Variants in SLC9A6 observed in about 807,000 individuals in gnomAD.
SLC9A6 encodes solute carrier family 9 member A6, also known as sodium/hydrogen exchanger 6.
Under a neutral mutation model 45.3 loss-of-function variants are expected in SLC9A6, and 6 were observed. The observed-to-expected ratio is 0.13, with a 90% CI of 0.07 to 0.26. SLC9A6 has a LOEUF of 0.26. Among genes scored for constraint, SLC9A6 ranks in the 10% least tolerant of loss-of-function variants. The probability of loss-of-function intolerance (pLI) is 1.00; values close to 1 mark genes in which losing one functional copy is unlikely to be tolerated. For missense variants in SLC9A6, 278 were observed against 503.7 expected (o/e 0.55, Z 4.29); for synonymous variants, 191 against 187.7 (o/e 1.02, Z -0.14).
In SLC9A6 at chrX:135,985,527, G is replaced by T. The variant is rs201523857; in HGVS notation, c.-57+50G>T. On this transcript the variant is annotated intron_variant, in intron 1 of 17. Coordinates refer to ENST00000630721, the MANE Select transcript of SLC9A6 (RefSeq NM_001379110.1). ...CATGGCTCGGCGCGGCTGGCGGCGG[G>T]CACCCCTCCGCCGTGGCGTCGGCAG... The T allele has an allele frequency of 4.4e-3, 4,983 of 1,130,919 alleles. 10 individuals carry two copies. The highest frequency in any genetic ancestry group is 5.3e-3 in the Middle Eastern group (17 of 3,218). 93.2% of individuals were successfully genotyped at this position (1,130,919 alleles called of 1,213,427 possible). A position where few individuals can be genotyped will look rare whatever the true frequency, so the allele number is the denominator to read the frequency against.
Position 136,016,738 on chromosome X carries a change from A to G in SLC9A6, c.1174A>G (p.Thr392Ala). 8.9e-7 allele frequency: 1 copy of G among 1,129,024 alleles called. No individual in the cohort carries two copies. Among genetic ancestry groups the G allele is most frequent in the Non-Finnish European group, 1.2e-6 (1 of 822,040 alleles). The allele number at this position is 1,129,024 out of a possible 1,213,427, so 93.0% of individuals were successfully genotyped here. A position where few individuals can be genotyped will look rare whatever the true frequency, so the allele number is the denominator to read the frequency against. ...CTTCCAGAACCATGTCTTTAACCCA[A>G]CATTTGTAGTAGGAGCATTTGTATC... Reference protein sequence around the residue: ...FTFQNHVFNPTFVVGAFVAIF... With the variant: ...FTFQNHVFNPAFVVGAFVAIF... Residue 392 changes from threonine to alanine, a missense_variant, in exon 11 of 18, where the codon ACA becomes GCA. Physicochemically the swap from Thr to Ala is moderately conservative, Grantham distance 58 (BLOSUM62 0). Around this residue, in one of 5 missense-constraint regions of SLC9A6, gnomAD observed 41 missense variants for 51.8 expected, o/e 0.79. Transcript: ENST00000630721.
intron 1 of SLC9A6, among the ~76,000 whole-genome samples, chrX:135,976,887 T>A (rs1017358049): frequency 5.3e-5 from 6 of 112,246 alleles, no homozygotes; most frequent in Admixed American, 9.5e-5. Context: ...TTTACCCATA[T>A]ACTGAATGCA....
intron 7 of SLC9A6, among the ~76,000 whole-genome samples, chrX:136,005,478 C>G (rs928013094): frequency 8.9e-6 from 1 of 111,899 alleles, no homozygotes; most frequent in Admixed American, 9.4e-5. Context: ...GTCAGGAGTT[C>G]GAGACCAGCC....
upstream of SLC9A6, chrX:135,985,392 C>T (rs1556614642): frequency 4.4e-6 from 2 of 456,144 alleles, no homozygotes; most frequent in African/African-American, 2.6e-5. Flanking sequence ...GCGGCGGCGG[C>T]GCGCGCTCCG....
At chrX:135,988,518 CTCTT>C (rs1286678235) in intron 2 of SLC9A6, among the ~76,000 whole-genome samples, 21 of 86,246 alleles carry the variant, frequency 2.4e-4, no homozygotes, top group African/African-American at 4.0e-4. Flanking sequence ...TTCTTTCTCT[CTCTT>C]TCTTTCTCTC....
chrX:136,040,267 G>T, intron 17 of SLC9A6, 86 bp downstream of exon 17: 1 of 761,521 alleles, frequency 1.3e-6, no homozygotes, highest in African/African-American at 2.1e-5. Flanking sequence ...ATTTTATTTT[G>T]GTTTGTTTTT....
At chrX:135,998,066 T>A (rs1359196779) in intron 3 of SLC9A6, 42 bp from the exon 4 acceptor site, 8 of 680,766 alleles carry the variant, frequency 1.2e-5, no homozygotes, top group African/African-American at 2.1e-5. Context: ...GAATATGAGG[T>A]CTTCTAGGGA....
At chrX:135,988,141 G>A (rs1295474209) in intron 2 of SLC9A6, among the ~76,000 whole-genome samples, 5 of 111,702 alleles carry the variant, frequency 4.5e-5, no homozygotes, top group African/African-American at 1.3e-4. Flanking sequence ...AAGTAGAAAA[G>A]GATTACCGAT....
intron 17 of SLC9A6, among the ~76,000 whole-genome samples, chrX:136,042,987 G>T (rs188551994): frequency 3.6e-5 from 4 of 111,696 alleles, no homozygotes; most frequent in African/African-American, 1.3e-4. Flanking sequence ...ATATAGAATA[G>T]ATTTTAAAGG....
At chrX:136,034,356 A>G (rs1417483652) in intron 16 of SLC9A6, among the ~76,000 whole-genome samples, 3 of 111,536 alleles carry the variant, frequency 2.7e-5, no homozygotes, top group Non-Finnish European at 5.7e-5. Flanking sequence ...GTTTTATCCC[A>G]AAACTGTTTT....
chrX:135,992,567 A>G (rs1465248011), intron 2 of SLC9A6, among the ~76,000 whole-genome samples: 1 of 111,563 alleles, frequency 9.0e-6, no homozygotes, highest in Non-Finnish European at 1.9e-5. Context: ...ATACTAAACT[A>G]CTTGATTCAC....
chrX:136,009,162 T>G (rs1306748476), intron 7 of SLC9A6, among the ~76,000 whole-genome samples: 2 of 111,793 alleles, frequency 1.8e-5, no homozygotes, highest in African/African-American at 6.5e-5. Flanking sequence ...TTTATATATA[T>G]GTAGGTAAGG....
At chrX:136,015,851 G>GT (rs1385926643) in intron 10 of SLC9A6, among the ~76,000 whole-genome samples, 1 of 111,445 alleles carries the variant, frequency 9.0e-6, no homozygotes, top group Non-Finnish European at 1.9e-5. Flanking sequence ...TTAAGCCCAT[G>GT]TTCTTAACCA....
intron 16 of SLC9A6, among the ~76,000 whole-genome samples, chrX:136,038,486 A>G (rs1486949946): frequency 8.9e-6 from 1 of 111,793 alleles, no homozygotes; most frequent in Non-Finnish European, 1.9e-5. Flanking sequence ...TATGAACAAT[A>G]TTGGCTTGTG....
rs187487048 is a variant in SLC9A6, at chrX:136,046,598, G to A, written c.*1874G>A. The A allele has an allele frequency of 9.8e-5, 11 of 112,362 alleles. No individual in the cohort carries two copies. Among genetic ancestry groups the A allele is most frequent in the Admixed American group, 8.5e-4 (9 of 10,595 alleles). The allele number at this position is 112,362 out of a possible 1,213,427, so 9.3% of individuals were successfully genotyped here. On this transcript the variant is annotated 3_prime_UTR_variant, in exon 18 of 18. Transcript: ENST00000630721. ...TGACCTCACTTTATGTAAATACTTC[G>A]CATGACAAATTCAGTAACTCGTCTA...
chrX:135,997,470 C>T (rs1354833539), intron 3 of SLC9A6, among the ~76,000 whole-genome samples: 12 of 96,050 alleles, frequency 1.2e-4, no homozygotes, highest in Admixed American at 2.4e-4. Flanking sequence ...TGCACTGGCG[C>T]GATCTTGGCT....
intron 16 of SLC9A6, among the ~76,000 whole-genome samples, chrX:136,037,688 A>G (rs1322774953): frequency 1.8e-5 from 2 of 111,930 alleles, no homozygotes; most frequent in Admixed American, 1.9e-4. Context: ...CTTCTGCCTC[A>G]GCCTCCCAAG....
chrX:136,037,774 G>T (rs1249547735), intron 16 of SLC9A6, among the ~76,000 whole-genome samples: 2 of 111,505 alleles, frequency 1.8e-5, no homozygotes, highest in African/African-American at 6.5e-5. Context: ...GTTTCACCGT[G>T]TTTGCCAGGA....
intron 16 of SLC9A6, among the ~76,000 whole-genome samples, chrX:136,035,701 A>G (rs2071400880): frequency 1.8e-5 from 2 of 111,484 alleles, no homozygotes; most frequent in African/African-American, 6.5e-5. Context: ...CAAGGAGTGC[A>G]AAGAGTGGAA....
Sources: gnomAD v4.1 joint callset for allele counts (sites outside exome capture counted in the v4.1 genomes callset) on GRCh38, gnomAD v4.1.1 for gene constraint, gnomAD v4.1.1 regional missense constraint, MANE v1.5 for transcripts, NCBI Gene and HGNC (gene_info 2026-07-23, HGNC 2026-07-21) for gene names.